Variants in PRSS54 observed in about 807,000 individuals in gnomAD.
PRSS54 encodes serine protease 54.
Under a neutral mutation model 19.9 loss-of-function variants are expected in PRSS54, and 16 were observed. The ratio of observed to expected loss-of-function variants is 0.80; its 90% CI spans 0.54 to 1.22. The LOEUF is 1.22. PRSS54 is among the 50% of genes most tolerant of loss of function. The probability of loss-of-function intolerance (pLI) is 0.00; values close to 1 mark genes in which losing one functional copy is unlikely to be tolerated. For synonymous variants in PRSS54, 177 were observed against 195.8 expected, an observed-to-expected ratio of 0.90 and a Z score of 0.80; for missense variants, 444 against 494.8, an observed-to-expected ratio of 0.90 and a Z score of 0.97.
At chr16:58,286,397 G>A (rs1964922999) in intron 4 of PRSS54, among the ~76,000 whole-genome samples, 2 of 152,212 alleles carry the variant, frequency 1.3e-5, no homozygotes, top group African/African-American at 2.4e-5. Context: ...TTGTGAGCCT[G>A]CAGAATCCTG....
chr16:58,285,806 G>A (rs1305693216), intron 5 of PRSS54, 131 bp downstream of exon 5: 16 of 977,820 alleles, frequency 1.6e-5, no homozygotes, highest in Non-Finnish European at 2.2e-5. Flanking sequence ...ATTAGGTAAG[G>A]GTTTCAGCCA....
intron 2 of PRSS54, 56 bp from the exon 3 acceptor site, chr16:58,293,878 C>T: frequency 7.0e-7 from 1 of 1,426,728 alleles, no homozygotes; most frequent in South Asian, 1.2e-5. Flanking sequence ...GCAGGGTTTT[C>T]TATGCCTCTT....
At chr16:58,290,766 C>A (rs899796466) in intron 4 of PRSS54, among the ~76,000 whole-genome samples, 193 bp downstream of exon 4, 1 of 152,208 alleles carries the variant, frequency 6.6e-6, no homozygotes, top group Non-Finnish European at 1.5e-5. Flanking sequence ...GCAAGGCCTG[C>A]AGTCCTCACA....
chr16:58,293,916 G>A (rs1965093458), intron 2 of PRSS54, 69 bp downstream of exon 2: 1 of 1,049,482 alleles, frequency 9.5e-7, no homozygotes, highest in Middle Eastern at 2.0e-4. Flanking sequence ...AAACACACAT[G>A]TTCCCTCCCA....
rs753720837 is a variant in PRSS54 at position 58,280,610 on chromosome 16, C to T, written c.802G>A (p.Ala268Thr). The T allele has an allele frequency of 8.7e-6, 14 of 1,614,038 alleles. No individual in the cohort carries two copies. Among genetic ancestry groups the T allele is most frequent in the Non-Finnish European group, 1.1e-5 (13 of 1,180,052 alleles). ...GACAGGGGAGGGCCGGCCCTCTCAGCCTTGGATGTGATCCATTTGCTGTAG... is the reference window on the plus strand; with the variant it reads ...GACAGGGGAGGGCCGGCCCTCTCAGTCTTGGATGTGATCCATTTGCTGTAG... The part of the protein sequence containing the change: ...EDYSKWITSK[A>T]ERAGPPLSSL... Residue 268 changes from alanine (A) to threonine (T), a missense_variant, in exon 7 of 7, where the codon GCT becomes ACT. Ala to Thr is a moderately conservative substitution (Grantham distance 58, BLOSUM62 0). Coordinates refer to ENST00000567164, the MANE Select transcript of PRSS54 (RefSeq NM_001305173.2).
At chr16:58,283,912 C>T (rs887071970) in intron 6 of PRSS54, 1 of 152,076 alleles carries the variant, frequency 6.6e-6, no homozygotes, top group African/African-American at 2.4e-5. Context: ...AAAAAAATTC[C>T]CCATCAGGTG....
intron 4 of PRSS54, among the ~76,000 whole-genome samples, chr16:58,287,517 C>G (rs1964944663): frequency 6.6e-6 from 1 of 152,184 alleles, no homozygotes; most frequent in East Asian, 1.9e-4. Flanking sequence ...AGCAGCCAAC[C>G]AGCAGCCAAT....
chr16:58,282,618 T>C (rs1443664099), intron 6 of PRSS54: 1 of 152,282 alleles, frequency 6.6e-6, no homozygotes, highest in Non-Finnish European at 1.5e-5. Context: ...GAGGAAGGCC[T>C]TGAGGACTTC....
At chr16:58,286,693 C>G (rs1022835006) in intron 4 of PRSS54, among the ~76,000 whole-genome samples, 1 of 152,126 alleles carries the variant, frequency 6.6e-6, no homozygotes. Context: ...CCTTTCTCCT[C>G]TTGGGAATCA....
Position 58,286,195 on chromosome 16 carries a change from C to T in PRSS54, c.264G>A (p.Arg88=), listed in dbSNP as rs1388411592. Residue 88 remains arginine (R), a splice_region_variant and synonymous_variant, in exon 5 of 7, where the codon AGG becomes AGA. Transcript: ENST00000567164. ...VLSIASAIQN[R]KDIVVIVGIS... is the part of the protein sequence containing the mutation. ...TACCCACTATAACGACAATGTCCTT[C>T]CTGGAGAGAGAGCAAGGGAATCTTG... The T allele has an allele frequency of 1.2e-6, 2 of 1,613,726 alleles. No homozygotes were observed. Among genetic ancestry groups the T allele is most frequent in the Non-Finnish European group, 8.5e-7 (1 of 1,179,708 alleles).
At chr16:58,284,760 G>C (rs1299941715) in intron 5 of PRSS54, 39 bp from the exon 6 acceptor site, 1 of 1,611,624 alleles carries the variant, frequency 6.2e-7, no homozygotes, top group African/African-American at 1.3e-5. Context: ...TTATTAACGA[G>C]AAGGCAGTCC....
Position 58,284,666 on chromosome 16 carries a change from T to C in PRSS54, c.578A>G (p.Asp193Gly). The C allele has an allele frequency of 6.2e-7, 1 of 1,614,130 alleles. No homozygotes were observed. The highest frequency in any genetic ancestry group is 2.2e-5 in the East Asian group (1 of 44,884). ...CTGGAGTTTGTATAGGGGACACATG[T>C]CAAGATCTTTCACGAAGATTTTCCT... Reference protein sequence around the residue: ...VLRKIFVKDLDMCPLYKLQKT... With the variant: ...VLRKIFVKDLGMCPLYKLQKT... Residue 193 changes from aspartate (D) to glycine (G), a missense_variant, in exon 6 of 7, where the codon GAC (aspartate) becomes GGC (glycine). By Grantham distance (94) the Asp-to-Gly change is moderately conservative. Coordinates refer to ENST00000567164, the MANE Select transcript of PRSS54 (RefSeq NM_001305173.2).
intron 4 of PRSS54, 65 bp downstream of exon 4, chr16:58,290,894 G>A: frequency 6.4e-7 from 1 of 1,565,508 alleles, no homozygotes; most frequent in South Asian, 1.2e-5. Flanking sequence ...GGCTGAGCAG[G>A]AAACAGGGTC....
rs752451312 is a variant in PRSS54, at chr16:58,293,784, G to T, written c.33C>A (p.Gly11=). 1.9e-6 allele frequency: 3 copies of T among 1,613,028 alleles called. No homozygotes were observed. The highest frequency in any genetic ancestry group is 2.5e-6 in the Non-Finnish European group (3 of 1,179,658). Residue 11 remains glycine (G), a synonymous_variant, in exon 3 of 7, where the codon GGC becomes GGA. Transcript: ENST00000567164. ...GCACCAGGAGCACCCCTCGCATCTT[G>T]CCATCCCCAGAGAGACCCGCCGCGG... is the stretch of plus-strand genomic sequence containing the variant. MVSAAGLSGD[G]KMRGVLLVLL... is the part of the protein sequence containing the mutation.
In PRSS54 at chr16:58,286,041, G is replaced by T; in HGVS notation, c.418C>A (p.His140Asn). Residue 140 changes from histidine (H) to asparagine (N), a missense_variant, in exon 5 of 7, where the codon CAT becomes AAT. Transcript: ENST00000567164. ...IALLKTDTAM[H>N]FGNLVQSICF... ...ATGGACTGGACCAGGTTGCCAAAATGCATCGCTGTGTCTGTCTTCAGGAGG... is the reference window on the plus strand; with the variant it reads ...ATGGACTGGACCAGGTTGCCAAAATTCATCGCTGTGTCTGTCTTCAGGAGG... The T allele has an allele frequency of 6.2e-7, 1 of 1,614,194 alleles. No individual in the cohort carries two copies. The highest frequency in any genetic ancestry group is 1.1e-5 in the South Asian group (1 of 91,088).
intron 5 of PRSS54, 128 bp downstream of exon 5, chr16:58,285,809 T>TA (rs982577677): frequency 7.5e-6 from 8 of 1,065,422 alleles, no homozygotes; most frequent in Non-Finnish European, 1.1e-5. Context: ...AGGTAAGGGT[T>TA]TCAGCCAAAC....
intron 3 of PRSS54, 46 bp downstream of exon 3, chr16:58,293,686 G>A: frequency 6.3e-7 from 1 of 1,578,494 alleles, no homozygotes; most frequent in Non-Finnish European, 8.6e-7. Flanking sequence ...CCCCTTCTGT[G>A]CCACGTGTGC....
intron 6 of PRSS54, chr16:58,283,823 A>AC (rs1964844480): frequency 6.6e-6 from 1 of 152,294 alleles, no homozygotes; most frequent in Non-Finnish European, 1.5e-5. Flanking sequence ...CAATAAAATG[A>AC]CTTTTAAAAA....
chr16:58,290,224 G>A lies in PRSS54; in HGVS notation c.263+735C>T, dbSNP rs149030118. On this transcript the variant is annotated intron_variant, in intron 4 of 6. Coordinates refer to ENST00000567164, the MANE Select transcript of PRSS54 (RefSeq NM_001305173.2). ...ATATGAAAAATTATAATTTCATCCC[G>A]ATAGTGGGACATTAGGTTTCTTTTC... Among the ~76,000 whole-genome samples, 73 of 151,156 alleles carry A rather than the reference G, an allele frequency of 4.8e-4. No individual in the cohort carries two copies. In the East Asian group the frequency reaches 0.013, roughly 28 times the overall value.
Sources: gnomAD v4.1 joint callset for allele counts (sites outside exome capture counted in the v4.1 genomes callset) on GRCh38, gnomAD v4.1.1 for gene constraint, MANE v1.5 for transcripts, NCBI Gene and HGNC (gene_info 2026-07-23, HGNC 2026-07-21) for gene names.